PPIP5K2: variants seen among roughly 807,000 people sequenced by gnomAD.
PPIP5K2 encodes inositol hexakisphosphate and diphosphoinositol-pentakisphosphate kinase 2.
Under a neutral mutation model 154.6 loss-of-function variants are expected in PPIP5K2, and 105 were observed. The observed-to-expected ratio is 0.68, with a 90% CI of 0.58 to 0.80. The LOEUF (loss-of-function observed/expected upper bound fraction) is 0.80, where lower values mean the gene tolerates loss of function less well. Ranked by LOEUF, PPIP5K2 falls within the 30% of genes least tolerant of loss-of-function variation. The probability of loss-of-function intolerance (pLI) is 0.00; values close to 1 mark genes in which losing one functional copy is unlikely to be tolerated. For synonymous variants in PPIP5K2, 480 were observed against 490.3 expected (o/e 0.98, Z 0.28); for missense variants, 992 against 1,504.6 (o/e 0.66, Z 5.64).
chr5:103,209,906 T>G lies in PPIP5K2; in HGVS notation c.*8272T>G, dbSNP rs1421769918. On this transcript the variant is annotated 3_prime_UTR_variant, in exon 31 of 31. Coordinates refer to ENST00000358359, the MANE Select transcript of PPIP5K2 (RefSeq NM_001276277.3). The stretch of plus-strand genomic sequence containing the variant: ...TGGAAGTCATATCATTACGACTTTT[T>G]TTTCATGCCACATAGATATGCTGAT... 6.6e-6 allele frequency: 1 copy of G among 152,122 alleles called. No individual in the cohort carries two copies. The allele number at this position is 152,122 out of a possible 1,614,324, so 9.4% of individuals were successfully genotyped here. A position where few individuals can be genotyped will look rare whatever the true frequency, so the allele number is the denominator to read the frequency against.
At chr5:103,163,101 T>C (rs1383730268) in intron 17 of PPIP5K2, among the ~76,000 whole-genome samples, 10 of 151,192 alleles carry the variant, frequency 6.6e-5, no homozygotes, top group African/African-American at 1.9e-4. Flanking sequence ...TTTTTTTTTT[T>C]TTTTTTGCAT....
Position 103,194,943 on chromosome 5 carries a change from A to G in PPIP5K2, c.3537A>G (p.Val1179=), listed in dbSNP as rs1455299004. 2.5e-6 allele frequency: 4 copies of G among 1,613,454 alleles called. No homozygotes were observed. The highest frequency in any genetic ancestry group is 1.3e-5 in the African/African-American group (1 of 74,896). ...CCAGTCCAATAATGAGAAAAAAAGT[A>G]TCTTTAAATACGTATACACCTGCAA... The part of the protein sequence containing the change: ...LRSSPIMRKK[V]SLNTYTPAKI... The change falls in exon 30 of 31, where the codon GTA becomes GTG. Residue 1179 remains valine (V), a synonymous_variant. Coordinates refer to ENST00000358359, the MANE Select transcript of PPIP5K2 (RefSeq NM_001276277.3).
At chr5:103,145,577 G>A (rs1793619502) in intron 5 of PPIP5K2, among the ~76,000 whole-genome samples, 1 of 151,994 alleles carries the variant, frequency 6.6e-6, no homozygotes, top group Non-Finnish European at 1.5e-5. Context: ...ATGAAATCCT[G>A]TCATTTGCAA....
At chr5:103,176,846 C>G (rs1554221090) in intron 21 of PPIP5K2, 1 of 1,345,488 alleles carries the variant, frequency 7.4e-7, no homozygotes, top group South Asian at 1.3e-5. Context: ...TTCTGATGCT[C>G]TATGATTACA....
At chr5:103,142,187 G>A (rs1554207093) in intron 5 of PPIP5K2, among the ~76,000 whole-genome samples, 1 of 152,240 alleles carries the variant, frequency 6.6e-6, no homozygotes, top group Non-Finnish European at 1.5e-5. Context: ...CTGCGGGAAG[G>A]CAGCTAAGGC....
intron 3 of PPIP5K2, 134 bp from the exon 4 acceptor site, chr5:103,136,598 C>A: frequency 8.8e-6 from 6 of 678,240 alleles, no homozygotes; most frequent in Non-Finnish European, 1.3e-5. Context: ...TGTATATATT[C>A]CATACCTTTT....
chr5:103,195,025 G>C lies in PPIP5K2; in HGVS notation c.3619G>C (p.Ala1207Pro). The change falls in exon 30 of 31, where the codon GCT (alanine) becomes CCT (proline). Residue 1207 changes from alanine (A) to proline (P), a missense_variant and splice_region_variant. By Grantham distance (27) the Ala-to-Pro change is conservative. This residue lies in a region of PPIP5K2 where 131 missense variants were observed against 117.8 expected (regional missense o/e 1.11). Transcript: ENST00000358359. The stretch of plus-strand genomic sequence containing the variant: ...GAGCACTAAAGCAAGCAGCAAACCA[G>C]GTAAGGGGTGTGTGTGTTGAGTTTG... The part of the protein sequence containing the change: ...LKSTKASSKP[A>P]TSGPSSAVVP... 2 of 1,611,756 alleles carry C rather than the reference G, an allele frequency of 1.2e-6. No individual in the cohort carries two copies. The highest frequency in any genetic ancestry group is 1.7e-6 in the Non-Finnish European group (2 of 1,179,318).
chr5:103,176,844 C>T (rs1554221089), intron 21 of PPIP5K2: 9 of 1,319,358 alleles, frequency 6.8e-6, no homozygotes, highest in Non-Finnish European at 9.3e-6. Context: ...AGTTCTGATG[C>T]TCTATGATTA....
At chr5:103,167,786 T>G (rs576671328) in intron 18 of PPIP5K2, among the ~76,000 whole-genome samples, 1 of 152,034 alleles carries the variant, frequency 6.6e-6, no homozygotes, top group African/African-American at 2.4e-5. Flanking sequence ...ATAACAGTAT[T>G]GAAAATTGAA....
At chr5:103,120,654 C>T (rs914132560) in intron 1 of PPIP5K2, 166 bp downstream of exon 1, 4 of 361,048 alleles carry the variant, frequency 1.1e-5, no homozygotes, top group African/African-American at 2.1e-5. Flanking sequence ...CGTGGAGTGA[C>T]AGTACAGCTT....
intron 30 of PPIP5K2, among the ~76,000 whole-genome samples, chr5:103,195,757 CTT>C (rs1801995312): frequency 6.6e-6 from 1 of 152,092 alleles, no homozygotes; most frequent in Non-Finnish European, 1.5e-5. Flanking sequence ...TACCATATAT[CTT>C]TTTTCCTCAG....
chr5:103,155,624 C>T (rs1795304936), intron 13 of PPIP5K2, among the ~76,000 whole-genome samples: 1 of 151,458 alleles, frequency 6.6e-6, no homozygotes, highest in Admixed American at 6.6e-5. Context: ...GACAGTTTCA[C>T]CATGTTGGCC....
At chr5:103,199,508 A>C (rs1329471061) in intron 30 of PPIP5K2, among the ~76,000 whole-genome samples, 1 of 152,066 alleles carries the variant, frequency 6.6e-6, no homozygotes, top group African/African-American at 2.4e-5. Flanking sequence ...AGACTTAGTT[A>C]ATTTGAATTA....
rs1227175482 is a variant in PPIP5K2 at position 103,203,395 on chromosome 5, G to A, written c.*1761G>A. On this transcript the variant is annotated 3_prime_UTR_variant, in exon 31 of 31. Transcript: ENST00000358359. ...TACAGTACAACTAACTTTTTCCATTGTTATGCAAGAACTATTACTTTCCTG... is the reference window on the plus strand; with the variant it reads ...TACAGTACAACTAACTTTTTCCATTATTATGCAAGAACTATTACTTTCCTG... The A allele has an allele frequency of 6.6e-6, 1 of 152,030 alleles. No individual in the cohort carries two copies. The highest frequency in any genetic ancestry group is 1.5e-5 in the Non-Finnish European group (1 of 67,998). The allele number at this position is 152,030 out of a possible 1,614,324, so 9.4% of individuals were successfully genotyped here.
Position 103,184,665 on chromosome 5 carries a change from T to C in PPIP5K2, c.3097-7T>C. ...TTTACTTCATTTATTTTGGATTCCT[T>C]ATGCAGGTTGTATCTGAAAATGCTA... On this transcript the variant is annotated splice_polypyrimidine_tract_variant and splice_region_variant and intron_variant, in intron 25 of 30. Coordinates refer to ENST00000358359, the MANE Select transcript of PPIP5K2 (RefSeq NM_001276277.3). 3 of 1,606,960 alleles carry C rather than the reference T, an allele frequency of 1.9e-6. No homozygotes were observed. Among genetic ancestry groups the C allele is most frequent in the Non-Finnish European group, 2.6e-6 (3 of 1,173,830 alleles).
At chr5:103,146,457 A>T (rs1488927722) in intron 5 of PPIP5K2, 70 bp from the exon 6 acceptor site, 4 of 1,458,188 alleles carry the variant, frequency 2.7e-6, no homozygotes, top group Non-Finnish European at 3.7e-6. Context: ...AAAGTCCTCG[A>T]TAATAATGTG....
At chr5:103,165,401 A>G (rs1351355518) in intron 17 of PPIP5K2, among the ~76,000 whole-genome samples, 2 of 152,088 alleles carry the variant, frequency 1.3e-5, no homozygotes, top group African/African-American at 4.8e-5. Context: ...AATGTGAACA[A>G]TGAACATATA....
intron 25 of PPIP5K2, 136 bp downstream of exon 25, chr5:103,183,543 A>C (rs1799906926): frequency 2.8e-6 from 2 of 718,218 alleles, no homozygotes; most frequent in Non-Finnish European, 4.4e-6. Context: ...AGTTCATTTA[A>C]AAATACTTAA....
chr5:103,168,331 T>A, intron 19 of PPIP5K2, 36 bp downstream of exon 19: 2 of 1,470,256 alleles, frequency 1.4e-6, no homozygotes, highest in South Asian at 1.2e-5. Context: ...CTTATAATAT[T>A]GAAAAAATAC....
Sources: allele counts gnomAD v4.1 joint callset (sites outside exome capture counted in the v4.1 genomes callset), GRCh38; gene constraint gnomAD v4.1.1; regional missense constraint gnomAD v4.1.1; transcripts MANE v1.5; gene names NCBI Gene and HGNC (gene_info 2026-07-23, HGNC 2026-07-21).